LTBP1: variants seen among roughly 807,000 people sequenced by gnomAD.
LTBP1 encodes latent-transforming growth factor beta-binding protein 1.
A neutral mutation model predicts 207.6 loss-of-function variants in LTBP1; 129 were observed. That is an observed-to-expected ratio of 0.62 (90% CI 0.54 to 0.72). LTBP1 has a LOEUF of 0.72. LTBP1 is among the 30% of genes least tolerant of loss of function. The pLI is 0.00. For synonymous variants in LTBP1, 963 were observed against 833.7 expected (o/e 1.16, Z -2.67); for missense variants, 2,281 against 2,217.2 (o/e 1.03, Z -0.58).
chr2:33,265,435 A>G (rs1441944563), intron 15 of LTBP1, among the ~76,000 whole-genome samples: 2 of 152,244 alleles, frequency 1.3e-5, no homozygotes, highest in Non-Finnish European at 2.9e-5. Context: ...AATACAGAAT[A>G]AATAGAAATA....
chr2:33,114,163 T>C (rs1299461787), intron 4 of LTBP1, among the ~76,000 whole-genome samples: 4 of 152,226 alleles, frequency 2.6e-5, no homozygotes, highest in Admixed American at 6.5e-5. Flanking sequence ...TCTCTAGTGA[T>C]AAATTAATAA....
chr2:33,064,840 AGTCATGTCATGTCAAATACAGTTAGTATT>A (rs1488350647), intron 3 of LTBP1, among the ~76,000 whole-genome samples: 20 of 152,298 alleles, frequency 1.3e-4, no homozygotes, highest in Admixed American at 3.3e-4. Context: ...TTTTCTTCTT[AGTCATGTCATGTCAAATACAGTTAGTATT>A]GTGTCTTTCC....
intron 3 of LTBP1, among the ~76,000 whole-genome samples, chr2:33,064,484 CA>C (rs1257886457): frequency 6.6e-6 from 1 of 152,160 alleles, no homozygotes; most frequent in African/African-American, 2.4e-5. Flanking sequence ...ATTGGGTCTC[CA>C]CACTCCCTAA....
At chr2:33,308,568 A>G (rs1433713495) in intron 22 of LTBP1, among the ~76,000 whole-genome samples, 1 of 152,142 alleles carries the variant, frequency 6.6e-6, no homozygotes, top group African/African-American at 2.4e-5. Flanking sequence ...AAACTTTATG[A>G]TATTCTTTGT....
intron 4 of LTBP1, among the ~76,000 whole-genome samples, chr2:33,111,176 A>G (rs933026257): frequency 6.6e-6 from 1 of 152,194 alleles, no homozygotes; most frequent in African/African-American, 2.4e-5. Flanking sequence ...TTTTTACATT[A>G]TAAGACTCAC....
intron 26 of LTBP1, among the ~76,000 whole-genome samples, chr2:33,351,027 AC>A (rs1485313807): frequency 2.0e-5 from 3 of 152,212 alleles, no homozygotes; most frequent in Non-Finnish European, 4.4e-5. Flanking sequence ...CCACTTTAAG[AC>A]AAGCAAACAA....
chr2:32,984,222 C>G (rs1173339876), intron 2 of LTBP1, among the ~76,000 whole-genome samples: 1 of 152,238 alleles, frequency 6.6e-6, no homozygotes, highest in Non-Finnish European at 1.5e-5. Context: ...CTGTCTGTTT[C>G]CACTTTATTG....
Position 33,257,399 on chromosome 2 carries a change from C to G in LTBP1, c.2283C>G (p.Asn761Lys), listed in dbSNP as rs902604457. ...GACCTGTATTTGTCAAGCCAAAGAA[C>G]ACTCAACCTGTTGCTAAAAGTACTC... is the stretch of plus-strand genomic sequence containing the variant. ...GKGPVFVKPK[N>K]TQPVAKSTHP... is the part of the protein sequence containing the mutation. The change falls in exon 12 of 34, where the codon AAC (asparagine) becomes AAG (lysine). Residue 761 changes from asparagine to lysine, a missense_variant. Physicochemically the swap from Asn to Lys is moderately conservative, Grantham distance 94. Around this residue, in one of 3 missense-constraint regions of LTBP1, gnomAD observed 1,671 missense variants for 1,634.8 expected, o/e 1.02. Coordinates refer to ENST00000404816, the MANE Select transcript of LTBP1 (RefSeq NM_206943.4). The G allele has an allele frequency of 3.1e-6, 5 of 1,614,230 alleles. No homozygotes were observed. The highest frequency in any genetic ancestry group is 4.2e-6 in the Non-Finnish European group (5 of 1,180,032).
At chr2:33,214,114 T>G (rs1462767131) in intron 7 of LTBP1, among the ~76,000 whole-genome samples, 1 of 152,120 alleles carries the variant, frequency 6.6e-6, no homozygotes, top group Admixed American at 6.6e-5. Flanking sequence ...ACCTAAAGAG[T>G]CCAGTACAAG....
chr2:33,138,983 C>T (rs796346921), intron 5 of LTBP1, among the ~76,000 whole-genome samples: 67 of 148,946 alleles, frequency 4.5e-4, no homozygotes, highest in Admixed American at 1.1e-3. Flanking sequence ...CTCAGCCTCC[C>T]GAGTAGCTGG....
intron 3 of LTBP1, among the ~76,000 whole-genome samples, chr2:33,052,697 G>A (rs556433515): frequency 6.6e-6 from 1 of 152,270 alleles, no homozygotes; most frequent in East Asian, 1.9e-4. Flanking sequence ...TAAGTTTTCT[G>A]TATGGAGGAT....
Position 33,134,722 on chromosome 2 carries a change from C to T in LTBP1, c.1034-71C>T. The T allele has an allele frequency of 1.2e-6, 2 of 1,609,168 alleles. No individual in the cohort carries two copies. The highest frequency in any genetic ancestry group is 1.7e-6 in the Non-Finnish European group (2 of 1,178,700). On this transcript the variant is annotated intron_variant, in intron 4 of 33. Transcript: ENST00000404816. This position sits in a 1 kb window ranked among gnomAD's most constrained non-coding sequence, Gnocchi z 4.4. ...TTTCTTTTTTTCTGTTTTTTTAAAC[C>T]TTCCAAGGCAAGTTCATGGATACTA...
chr2:33,157,807 A>C (rs78743640), intron 5 of LTBP1, among the ~76,000 whole-genome samples: 2,297 of 152,244 alleles, frequency 0.015, 23 homozygotes, highest in East Asian at 0.026. Context: ...TGAGGATGAG[A>C]ATCACTGGGT....
intron 5 of LTBP1, among the ~76,000 whole-genome samples, chr2:33,150,192 T>TAGC (rs2083398400): frequency 6.6e-6 from 1 of 152,224 alleles, no homozygotes; most frequent in African/African-American, 2.4e-5. Flanking sequence ...TAAAGTCATA[T>TAGC]AGCAGTCTTC....
chr2:33,277,795 T>TTCTTTCTTTCTTTCTCTC (rs1394277684), intron 18 of LTBP1, among the ~76,000 whole-genome samples: 8 of 108,006 alleles, frequency 7.4e-5, no homozygotes, highest in Admixed American at 2.9e-4. Context: ...CTTTCTTTCT[T>TTCTTTCTTTCTTTCTCTC]TCTCTCTCTC....
At chr2:33,142,212 C>T (rs1051637445) in intron 5 of LTBP1, among the ~76,000 whole-genome samples, 7 of 151,968 alleles carry the variant, frequency 4.6e-5, no homozygotes, top group East Asian at 1.9e-4. Context: ...CCACCACGCC[C>T]GGCTAATTTT....
intron 20 of LTBP1, among the ~76,000 whole-genome samples, chr2:33,295,394 G>T (rs1375958954): frequency 1.3e-5 from 2 of 152,050 alleles, no homozygotes; most frequent in Non-Finnish European, 2.9e-5. Context: ...GGGCTTGGTG[G>T]CATGCGCATG....
At chr2:33,043,979 G>T (rs1466764905) in intron 3 of LTBP1, among the ~76,000 whole-genome samples, 2 of 151,964 alleles carry the variant, frequency 1.3e-5, no homozygotes, top group African/African-American at 2.4e-5. Context: ...AAGGGAGGCA[G>T]TGGGTCAGGT....
At chr2:32,994,188 A>C (rs1684882477) in intron 2 of LTBP1, among the ~76,000 whole-genome samples, 1 of 152,180 alleles carries the variant, frequency 6.6e-6, no homozygotes, top group African/African-American at 2.4e-5. Flanking sequence ...CTTTACGTAG[A>C]ACCTAAATAT....
Sources: gnomAD v4.1 joint callset for allele counts (sites outside exome capture counted in the v4.1 genomes callset) on GRCh38, gnomAD v4.1.1 for gene constraint, gnomAD v4.1.1 regional missense constraint, Gnocchi (gnomAD v3.1) non-coding constraint, MANE v1.5 for transcripts, NCBI Gene and HGNC (gene_info 2026-07-23, HGNC 2026-07-21) for gene names.